The following STXBP5L variants were observed in gnomAD, a reference collection of about 807,000 sequenced individuals.
STXBP5L encodes the protein syntaxin-binding protein 5-like.
In STXBP5L, 65 loss-of-function variants were observed where a neutral mutation model predicts 144.5. That is an observed-to-expected ratio of 0.45 (90% CI 0.37 to 0.55). The LOEUF (loss-of-function observed/expected upper bound fraction) is 0.55, where lower values mean the gene tolerates loss of function less well. Among genes scored for constraint, STXBP5L ranks in the 20% least tolerant of loss-of-function variants. The pLI is 0.00. For missense variants in STXBP5L, 1,298 were observed against 1,405.5 expected (o/e 0.92, Z 1.22); for synonymous variants, 505 against 469.6 (o/e 1.08, Z -0.97).
intron 1 of STXBP5L, 142 bp from the exon 2 acceptor site, chr3:120,909,429 C>A (rs2107539648): frequency 1.4e-6 from 1 of 701,878 alleles, no homozygotes; most frequent in South Asian, 2.2e-5. Flanking sequence ...CGAATCCTGA[C>A]TCTTTTTTTC....
chr3:121,249,955 G>T (rs1225019173), intron 14 of STXBP5L, among the ~76,000 whole-genome samples: 1 of 151,906 alleles, frequency 6.6e-6, no homozygotes, highest in African/African-American at 2.4e-5. Flanking sequence ...TGACTATATG[G>T]ATTTTCTTTT....
At chr3:121,123,710 A>C (rs1182069258) in intron 7 of STXBP5L, among the ~76,000 whole-genome samples, 1 of 151,834 alleles carries the variant, frequency 6.6e-6, no homozygotes, top group Admixed American at 6.6e-5. Context: ...GTTTAATTAC[A>C]AATTAAAAGG....
In STXBP5L at chr3:121,037,620, T is replaced by A. The variant is rs926877376; in HGVS notation, c.288-4080T>A. The stretch of plus-strand genomic sequence containing the variant: ...TGAGAGATATTAGTCTGAAGTTTTC[T>A]TGTTTTATGATATAGTTTGTCATGA... On this transcript the variant is annotated intron_variant, in intron 3 of 26. Transcript: ENST00000471454. Among the ~76,000 whole-genome samples the A allele has an allele frequency of 8.5e-5, 13 of 152,272 alleles. No individual in the cohort carries two copies. In the East Asian group the frequency reaches 2.5e-3, roughly 29 times the overall value.
At chr3:121,009,317 G>T (rs1050288285) in intron 3 of STXBP5L, among the ~76,000 whole-genome samples, 1 of 151,844 alleles carries the variant, frequency 6.6e-6, no homozygotes. Context: ...CCCCCTCTTG[G>T]TCTCTAATCT....
In STXBP5L at chr3:121,255,067, C is replaced by T. The variant is rs763332240; in HGVS notation, c.1614C>T (p.Val538=). ...IFCVSGVSAY[V]IIYKFSRHEI... ...GTGTATCAGGAGTCTCTGCATATGT[C>T]ATAATTTATAAATTCAGCAGACATG... The change falls in exon 16 of 27, where the codon GTC becomes GTT. Residue 538 remains valine, a synonymous_variant. Coordinates refer to ENST00000471454, the MANE Select transcript of STXBP5L (RefSeq NM_001308330.2). 3.4e-5 allele frequency: 55 copies of T among 1,601,124 alleles called. No homozygotes were observed. The Middle Eastern group carries it at 1.2e-3, about 34-fold the overall frequency.
At chr3:121,086,736 A>G (rs2042513385) in intron 5 of STXBP5L, among the ~76,000 whole-genome samples, 1 of 152,064 alleles carries the variant, frequency 6.6e-6, no homozygotes, top group South Asian at 2.1e-4. Context: ...GTGTCATGTT[A>G]ATGCTTAAAA....
intron 5 of STXBP5L, among the ~76,000 whole-genome samples, chr3:121,094,928 G>A (rs1231523224): frequency 6.6e-6 from 1 of 152,070 alleles, no homozygotes; most frequent in Admixed American, 6.6e-5. Context: ...TCCTCTCCAT[G>A]TTTAGTGCTT....
intron 3 of STXBP5L, among the ~76,000 whole-genome samples, chr3:120,963,707 C>T (rs1010290139): frequency 6.6e-6 from 1 of 152,180 alleles, no homozygotes; most frequent in Non-Finnish European, 1.5e-5. Context: ...CAGCAATATT[C>T]ATCAGGGATA....
At chr3:121,232,023 C>T (rs536976696) in intron 11 of STXBP5L, among the ~76,000 whole-genome samples, 22 of 152,218 alleles carry the variant, frequency 1.4e-4, no homozygotes, top group African/African-American at 5.1e-4. Context: ...GACCTCCAGC[C>T]AATAATCAAG....
intron 5 of STXBP5L, among the ~76,000 whole-genome samples, chr3:121,081,892 A>G (rs990341008): frequency 2.8e-4 from 43 of 152,158 alleles, no homozygotes; most frequent in African/African-American, 1.0e-3. Context: ...TCACAGCCTT[A>G]CTCTTGTCCA....
intron 21 of STXBP5L, among the ~76,000 whole-genome samples, chr3:121,379,346 G>C (rs1346999894): frequency 6.6e-6 from 1 of 152,032 alleles, no homozygotes; most frequent in Non-Finnish European, 1.5e-5. Context: ...TTAAAAGGAA[G>C]GTCTATTTGC....
chr3:121,156,030 G>A (rs1010301702), intron 8 of STXBP5L, among the ~76,000 whole-genome samples: 4 of 151,804 alleles, frequency 2.6e-5, no homozygotes, highest in African/African-American at 9.7e-5. Context: ...ACCTACAGAA[G>A]GGAGAAGAAA....
At chr3:121,228,122 C>G (rs1454864445) in intron 11 of STXBP5L, among the ~76,000 whole-genome samples, 2 of 152,024 alleles carry the variant, frequency 1.3e-5, no homozygotes, top group Non-Finnish European at 2.9e-5. Context: ...CTTATTCAAC[C>G]AAAGTAAGAG....
rs77182169 is a variant in STXBP5L, at chr3:121,115,539, T to C, written c.605+480T>C. 9.2e-3 allele frequency among the ~76,000 whole-genome samples: 1,403 copies of C among 152,300 alleles called. 53 individuals are homozygous for C. In the East Asian group the frequency reaches 0.12, roughly 13 times the overall value. On this transcript the variant is annotated intron_variant, in intron 6 of 26. Transcript: ENST00000471454. Reference sequence around the variant, plus strand: ...GTGTATGATTGATGGCAATTACCACTTTGGCTTTGGCACTGATATTTAAGT... The same window carrying C: ...GTGTATGATTGATGGCAATTACCACCTTGGCTTTGGCACTGATATTTAAGT...
intron 5 of STXBP5L, among the ~76,000 whole-genome samples, chr3:121,075,583 C>T (rs567571742): frequency 3.3e-5 from 5 of 152,318 alleles, no homozygotes; most frequent in Admixed American, 2.0e-4. Context: ...CCGCATTAAC[C>T]ATACACTGAT....
intron 19 of STXBP5L, among the ~76,000 whole-genome samples, chr3:121,316,610 G>A (rs969100766): frequency 2.0e-5 from 3 of 152,152 alleles, no homozygotes; most frequent in Non-Finnish European, 4.4e-5. Context: ...GTGGGAAAAC[G>A]ATAATTTATA....
intron 5 of STXBP5L, among the ~76,000 whole-genome samples, chr3:121,104,354 A>G (rs1035675677): frequency 7.2e-5 from 11 of 152,178 alleles, no homozygotes; most frequent in Non-Finnish European, 8.8e-5. Context: ...TGCAATTCCC[A>G]TTAAAATACC....
intron 3 of STXBP5L, among the ~76,000 whole-genome samples, chr3:121,016,593 A>G (rs1286142031): frequency 6.6e-6 from 1 of 152,180 alleles, no homozygotes; most frequent in Non-Finnish European, 1.5e-5. Flanking sequence ...GGGCTGGTGA[A>G]TAGAATATCC....
At chr3:121,210,285 G>T (rs565991620) in intron 10 of STXBP5L, among the ~76,000 whole-genome samples, 1 of 150,332 alleles carries the variant, frequency 6.7e-6, no homozygotes, top group Non-Finnish European at 1.5e-5. Context: ...GGAGTTGTTT[G>T]TTTTTTTCTT....
Sources: gnomAD v4.1 joint callset for allele counts (sites outside exome capture counted in the v4.1 genomes callset) on GRCh38, gnomAD v4.1.1 for gene constraint, MANE v1.5 for transcripts, NCBI Gene and HGNC (gene_info 2026-07-23, HGNC 2026-07-21) for gene names.